TASOR2: variants seen among roughly 807,000 people sequenced by gnomAD.
TASOR2 encodes the protein protein TASOR 2.
A neutral mutation model predicts 199.5 loss-of-function variants in TASOR2; 84 were observed. The observed-to-expected ratio is 0.42, with a 90% CI of 0.35 to 0.50. The LOEUF is 0.50. Among genes scored for constraint, TASOR2 ranks in the 20% least tolerant of loss-of-function variants. TASOR2 has a pLI of 0.02. For synonymous variants in TASOR2, 1,103 were observed against 1,046.6 expected (o/e 1.05, Z -1.04); for missense variants, 2,796 against 2,835.9 (o/e 0.99, Z 0.32).
chr10:5,718,286 G>A (rs1832890124), intron 3 of TASOR2, among the ~76,000 whole-genome samples: 1 of 150,858 alleles, frequency 6.6e-6, no homozygotes, highest in African/African-American at 2.4e-5. Context: ...GATGTGATTG[G>A]GCTTCTTGAG....
In TASOR2 at chr10:5,730,973, A is replaced by T. The variant is rs1019432905; in HGVS notation, c.974A>T (p.Asp325Val). ...AGAAAAGAAACTGAAACAAAAAAGG[A>T]TTCTGAAGAAATGTTGAAAGCAAAG... Residue 325 changes from aspartate (D) to valine (V), a missense_variant, in exon 11 of 21, where the codon GAT becomes GTT. Coordinates refer to ENST00000328090, the Ensembl canonical transcript of TASOR2. The surrounding 1 kb of genome is among the most constrained non-coding windows in gnomAD (Gnocchi z 4.1). 1 of 1,613,978 alleles carries T rather than the reference A, an allele frequency of 6.2e-7. No individual in the cohort carries two copies. Among genetic ancestry groups the T allele is most frequent in the African/African-American group, 1.3e-5 (1 of 74,888 alleles).
chr10:5,698,554 A>G lies in TASOR2; in HGVS notation c.-288+13379A>G, dbSNP rs987283684. 5.3e-5 allele frequency among the ~76,000 whole-genome samples: 8 copies of G among 152,190 alleles called. No individual in the cohort carries two copies. Among genetic ancestry groups the G allele is most frequent in the African/African-American group, 1.7e-4 (7 of 41,446 alleles). On this transcript the variant is annotated intron_variant, in intron 1 of 20. Coordinates refer to ENST00000328090, the Ensembl canonical transcript of TASOR2. The surrounding 1 kb of genome is among the most constrained non-coding windows in gnomAD (Gnocchi z 4.4). Reference sequence around the variant, plus strand: ...CAAGCTACTGCCTGTGGTCTTGCCTATTTTTGTAAATAAAGTTATATGGGG... The same window carrying G: ...CAAGCTACTGCCTGTGGTCTTGCCTGTTTTTGTAAATAAAGTTATATGGGG...
At chr10:5,731,420 C>G (rs1357941938) in intron 11 of TASOR2, among the ~76,000 whole-genome samples, 1 of 152,020 alleles carries the variant, frequency 6.6e-6, no homozygotes, top group Non-Finnish European at 1.5e-5. Flanking sequence ...CCTAGCTACT[C>G]GGAAGGTTGA....
intron 1 of TASOR2, among the ~76,000 whole-genome samples, chr10:5,695,598 T>G (rs1221523839): frequency 2.0e-5 from 3 of 152,158 alleles, no homozygotes; most frequent in African/African-American, 7.2e-5. Flanking sequence ...ACAGGTTAAG[T>G]AGACACTTTT....
chr10:5,712,822 G>A lies in TASOR2; in HGVS notation c.-287-1G>A, dbSNP rs1455611845. The A allele has an allele frequency of 8.2e-7, 1 of 1,216,296 alleles. No individual in the cohort carries two copies. The highest frequency in any genetic ancestry group is 3.2e-5 in the East Asian group (1 of 31,530). 75.3% of individuals were successfully genotyped at this position (1,216,296 alleles called of 1,614,324 possible). A position where few individuals can be genotyped will look rare whatever the true frequency, so the allele number is the denominator to read the frequency against. Reference sequence around the variant, plus strand: ...GGTTATTCTGTTCTCTCTTTATACAGTACAAAACTTTTTACCAACAAAAAA... The same window carrying A: ...GGTTATTCTGTTCTCTCTTTATACAATACAAAACTTTTTACCAACAAAAAA... On this transcript the variant is annotated splice_acceptor_variant, in intron 1 of 20. Transcript: ENST00000328090. LOFTEE classifies it low-confidence loss of function (5UTR_SPLICE).
chr10:5,761,667 A>C, intron 19 of TASOR2, 196 bp downstream of exon 20: 1 of 577,922 alleles, frequency 1.7e-6, no homozygotes, highest in Non-Finnish European at 3.1e-6. Context: ...CAATCCTCCT[A>C]TGTATGTAAG....
chr10:5,719,978 AG>A lies in TASOR2; in HGVS notation c.-99-563del, dbSNP rs1833152935. Reference sequence around the variant, plus strand: ...TTAAGGAAATGGCTCTCTTAAATTTAGGGTGATTCGTATATTTCTTTGATAT... The same window carrying A: ...TTAAGGAAATGGCTCTCTTAAATTTAGGTGATTCGTATATTTCTTTGATAT... On this transcript the variant is annotated intron_variant, in intron 3 of 20. Transcript: ENST00000328090. The surrounding 1 kb of genome is among the most constrained non-coding windows in gnomAD (Gnocchi z 4.1). Among the ~76,000 whole-genome samples the A allele has an allele frequency of 1.3e-5, 2 of 152,208 alleles. No individual in the cohort carries two copies. The highest frequency in any genetic ancestry group is 6.5e-5 in the Admixed American group (1 of 15,278).
intron 2 of TASOR2, among the ~76,000 whole-genome samples, chr10:5,717,075 G>T (rs936502768): frequency 6.8e-6 from 1 of 147,232 alleles, no homozygotes. Context: ...ACAATCTTAC[G>T]ATTTCATTGC....
chr10:5,746,375 G>A, exon 15 of TASOR2: 1 of 1,614,110 alleles, frequency 6.2e-7, no homozygotes, highest in Non-Finnish European at 8.5e-7. Flanking sequence ...GATGGGCCTG[G>A]CAGTCAGCCA....
At chr10:5,746,663 A>G in exon 15 of TASOR2, 1 of 1,614,142 alleles carries the variant, frequency 6.2e-7, no homozygotes, top group Non-Finnish European at 8.5e-7. Context: ...TTTAAGAAGG[A>G]GTTGATTAAG....
In TASOR2 at chr10:5,753,762, T is replaced by C. The variant is rs76855232; in HGVS notation, c.6607-2851T>C. Reference sequence around the variant, plus strand: ...GCCATTTCGGTAAGCAGCACTGTAGTTGAAAAGTTATTGAATGGTCTTCAC... The same window carrying C: ...GCCATTTCGGTAAGCAGCACTGTAGCTGAAAAGTTATTGAATGGTCTTCAC... On this transcript the variant is annotated intron_variant, in intron 15 of 20. Coordinates refer to ENST00000328090, the Ensembl canonical transcript of TASOR2. 1.2e-3 allele frequency among the ~76,000 whole-genome samples: 188 copies of C among 152,352 alleles called. 3 individuals are homozygous for C. The East Asian group carries it at 0.027, about 22-fold the overall frequency.
rs773118336 is a variant in TASOR2, at chr10:5,752,434, CAT to C, written c.6606+2408_6606+2409del. 5.3e-5 allele frequency among the ~76,000 whole-genome samples: 8 copies of C among 151,980 alleles called. No homozygotes were observed. Among genetic ancestry groups the C allele is most frequent in the South Asian group, 2.1e-4 (1 of 4,816 alleles). ...GGACGTGCCGTGTGTCGGTTCCACA[CAT>C]GAGGGGCCTGCAGGCCACGTGCAGG... On this transcript the variant is annotated intron_variant, in intron 15 of 20. Transcript: ENST00000328090. The surrounding 1 kb of genome is among the most constrained non-coding windows in gnomAD (Gnocchi z 4.4).
chr10:5,742,154 G>T lies in TASOR2; in HGVS notation c.2385G>T (p.Met795Ile). Residue 795 changes from methionine to isoleucine, a missense_variant, in exon 14 of 21, where the codon ATG (methionine) becomes ATT (isoleucine). Transcript: ENST00000328090. This position sits in a 1 kb window ranked among gnomAD's most constrained non-coding sequence, Gnocchi z 4.2. ...AAGAAGTGAAGCTTTTACTTCATATGTGGGTAGCTCTGTTTTACAGCAATC... is the reference window on the plus strand; with the variant it reads ...AAGAAGTGAAGCTTTTACTTCATATTTGGGTAGCTCTGTTTTACAGCAATC... The T allele has an allele frequency of 1.2e-6, 2 of 1,614,118 alleles. No individual in the cohort carries two copies. The highest frequency in any genetic ancestry group is 8.5e-7 in the Non-Finnish European group (1 of 1,180,022).
intron 2 of TASOR2, chr10:5,714,158 A>T (rs1832296532): frequency 8.1e-7 from 1 of 1,231,776 alleles, no homozygotes; most frequent in African/African-American, 1.6e-5. Flanking sequence ...GTCAGTGTGG[A>T]CTCCGTGTTG....
chr10:5,739,299 A>C (rs1042709407), intron 12 of TASOR2, among the ~76,000 whole-genome samples: 3 of 114,286 alleles, frequency 2.6e-5, no homozygotes, highest in African/African-American at 9.9e-5. Flanking sequence ...TGTGTAGATC[A>C]GTTCATATGT....
At chr10:5,736,430 A>G (rs79902831) in intron 12 of TASOR2, among the ~76,000 whole-genome samples, 3 of 137,276 alleles carry the variant, frequency 2.2e-5, no homozygotes, top group African/African-American at 8.4e-5. Context: ...AAAAAAAAAA[A>G]AGAGAGAGAG....
intron 2 of TASOR2, among the ~76,000 whole-genome samples, chr10:5,713,229 G>A (rs750728616): frequency 2.0e-5 from 3 of 152,018 alleles, no homozygotes; most frequent in Non-Finnish European, 4.4e-5. Flanking sequence ...TTTCCATTCT[G>A]GATTATCGTT....
rs568057444 is a variant in TASOR2, at chr10:5,737,028, C to T, written c.1447+1482C>T. The stretch of plus-strand genomic sequence containing the variant: ...AGGCTGGAGTGCAGTAGCACGATCT[C>T]GGCTCACTGCAACCTCTGCCTCCCA... On this transcript the variant is annotated intron_variant, in intron 12 of 20. Transcript: ENST00000328090. This position sits in a 1 kb window ranked among gnomAD's most constrained non-coding sequence, Gnocchi z 4.9. Among the ~76,000 whole-genome samples the T allele has an allele frequency of 2.6e-5, 4 of 152,252 alleles. No homozygotes were observed. Among genetic ancestry groups the T allele is most frequent in the South Asian group, 2.1e-4 (1 of 4,822 alleles).
intron 1 of TASOR2, among the ~76,000 whole-genome samples, chr10:5,693,303 T>C (rs1050567481): frequency 1.5e-4 from 23 of 152,172 alleles, no homozygotes; most frequent in African/African-American, 4.8e-4. Context: ...AGGTCATCTT[T>C]TGAAATGTAG....
Sources: gnomAD v4.1 joint callset for allele counts (sites outside exome capture counted in the v4.1 genomes callset) on GRCh38, gnomAD v4.1.1 for gene constraint, Gnocchi (gnomAD v3.1) non-coding constraint, MANE v1.5 for transcripts, NCBI Gene and HGNC (gene_info 2026-07-23, HGNC 2026-07-21) for gene names.